Variants in CSF3R observed in about 807,000 individuals in gnomAD.
CSF3R encodes the protein colony stimulating factor 3 receptor.
CSF3R carries 52 observed loss-of-function variants against 84.4 expected under a neutral mutation model. The observed-to-expected ratio is 0.62, with a 90% CI of 0.49 to 0.78. The LOEUF (loss-of-function observed/expected upper bound fraction) is 0.78. Ranked by LOEUF, CSF3R falls within the 30% of genes least tolerant of loss-of-function variation. The pLI, the probability that CSF3R is intolerant of heterozygous loss-of-function variation, is 0.00. For synonymous variants in CSF3R, 384 were observed against 429.1 expected, an observed-to-expected ratio of 0.89 and a Z score of 1.30; for missense variants, 890 against 1,055.7, an observed-to-expected ratio of 0.84 and a Z score of 2.17.
At chr1:36,473,397 C>T (rs909257951) in intron 6 of CSF3R, 38 bp downstream of exon 6, 44 of 1,608,636 alleles carry the variant, frequency 2.7e-5, no homozygotes, top group Non-Finnish European at 3.5e-5. Context: ...CAGTGTCTGC[C>T]CATTTTGGGG....
intron 1 of CSF3R, 85 bp downstream of exon 1, chr1:36,482,726 T>C (rs947110360): frequency 2.6e-5 from 4 of 152,244 alleles, no homozygotes; most frequent in Non-Finnish European, 5.9e-5. Flanking sequence ...CATGAACACT[T>C]GGCAGAGCTG....
Position 36,472,140 on chromosome 1 carries a change from C to T in CSF3R, c.998-1G>A, listed in dbSNP as rs1248511242. On this transcript the variant is annotated splice_acceptor_variant, in intron 8 of 16. Coordinates refer to ENST00000373106, the MANE Select transcript of CSF3R (RefSeq NM_000760.4). LOFTEE classifies it high-confidence loss of function. The surrounding 1 kb of genome is among the most constrained non-coding windows in gnomAD (Gnocchi z 5.0). ...CATGTGTCCAGTCTGACAGTGGGGG[C>T]TGTGGATGGAACAAGAAGAGGGGGT... 9 of 1,613,894 alleles carry T rather than the reference C, an allele frequency of 5.6e-6. No homozygotes were observed. The highest frequency in any genetic ancestry group is 7.6e-6 in the Non-Finnish European group (9 of 1,180,020).
At chr1:36,475,129 C>T (rs3917957) in intron 4 of CSF3R, among the ~76,000 whole-genome samples, 4,498 of 151,756 alleles carry the variant, frequency 0.03, 188 homozygotes, top group African/African-American at 0.099. Context: ...CTCAGCCCCC[C>T]GAGTAGCTGG....
Position 36,466,960 on chromosome 1 carries a change from G to A in CSF3R, c.2041-133C>T, listed in dbSNP as rs746066971. The A allele has an allele frequency of 3.7e-6, 6 of 1,601,404 alleles. No individual in the cohort carries two copies. In the South Asian group the frequency reaches 6.6e-5, roughly 18 times the overall value. The stretch of plus-strand genomic sequence containing the variant: ...TGGTGGAACACAAAGGGTACCACTT[G>A]CAAAGCACTAGTATGTTCCTCACAC... On this transcript the variant is annotated intron_variant, in intron 16 of 16. Coordinates refer to ENST00000373106, the MANE Select transcript of CSF3R (RefSeq NM_000760.4). This position sits in a 1 kb window ranked among gnomAD's most constrained non-coding sequence, Gnocchi z 4.6.
chr1:36,473,157 A>G, intron 6 of CSF3R: 1 of 526,776 alleles, frequency 1.9e-6, no homozygotes, highest in Non-Finnish European at 3.4e-6. Flanking sequence ...TATCCCCAGT[A>G]CCTAGAGCAG....
In CSF3R at chr1:36,466,275, C is replaced by CA; in HGVS notation, c.*81dup. 6.2e-7 allele frequency: 1 copy of CA among 1,611,972 alleles called. No homozygotes were observed. Among genetic ancestry groups the CA allele is most frequent in the South Asian group, 1.1e-5 (1 of 90,874 alleles). On this transcript the variant is annotated 3_prime_UTR_variant, in exon 17 of 17. Coordinates refer to ENST00000373106, the MANE Select transcript of CSF3R (RefSeq NM_000760.4). This position sits in a 1 kb window ranked among gnomAD's most constrained non-coding sequence, Gnocchi z 4.6. ...AGCCTGGGCTGGGGTAGTTTTTAGT[C>CA]ATGGGCTTATGGACCCTCCCCTCTT...
intron 3 of CSF3R, among the ~76,000 whole-genome samples, chr1:36,478,400 G>A (rs1327749224): frequency 2.0e-5 from 3 of 151,882 alleles, no homozygotes; most frequent in Admixed American, 1.3e-4. Flanking sequence ...CTGGTGGCAG[G>A]TGCCTGTAAT....
chr1:36,480,998 C>T (rs751763017), intron 2 of CSF3R, among the ~76,000 whole-genome samples: 2 of 152,176 alleles, frequency 1.3e-5, no homozygotes, highest in Non-Finnish European at 1.5e-5. Flanking sequence ...ACAAGTATCC[C>T]GAGCATCTGT....
Position 36,468,958 on chromosome 1 carries a change from C to A in CSF3R, c.1576+198G>T. The A allele has an allele frequency of 5.1e-6, 3 of 591,332 alleles. No individual in the cohort carries two copies. In the South Asian group the frequency reaches 5.9e-5, roughly 12 times the overall value. The allele number at this position is 591,332 out of a possible 1,614,324, so 36.6% of individuals were successfully genotyped here. Reference sequence around the variant, plus strand: ...CTCCTTGAATTGTGCCAACTCCCTACTCAATTTCTATCCCAGCACCTGATT... The same window carrying A: ...CTCCTTGAATTGTGCCAACTCCCTAATCAATTTCTATCCCAGCACCTGATT... On this transcript the variant is annotated intron_variant, in intron 12 of 16. Coordinates refer to ENST00000373106, the MANE Select transcript of CSF3R (RefSeq NM_000760.4).
chr1:36,469,078 T>A (rs964068546), intron 12 of CSF3R, 78 bp downstream of exon 12: 18 of 1,061,910 alleles, frequency 1.7e-5, no homozygotes, highest in South Asian at 1.4e-4. Flanking sequence ...TTCCCTATAC[T>A]TCTGATTGCT....
chr1:36,469,548 G>T, intron 11 of CSF3R, 104 bp downstream of exon 11: 1 of 1,338,856 alleles, frequency 7.5e-7, no homozygotes, highest in Non-Finnish European at 1.1e-6. Flanking sequence ...AAAGGCTGGA[G>T]AATCCATGTC....
chr1:36,469,586 C>T lies in CSF3R; in HGVS notation c.1474+66G>A, dbSNP rs530239898. On this transcript the variant is annotated intron_variant, in intron 11 of 16. Coordinates refer to ENST00000373106, the MANE Select transcript of CSF3R (RefSeq NM_000760.4). Reference sequence around the variant, plus strand: ...TTGGGCAGTTCAGGTTGTCCCATGCCTATTGTCAGATAAGCACTGCCTCCC... The same window carrying T: ...TTGGGCAGTTCAGGTTGTCCCATGCTTATTGTCAGATAAGCACTGCCTCCC... 3 of 1,582,346 alleles carry T rather than the reference C, an allele frequency of 1.9e-6. No individual in the cohort carries two copies. The South Asian group carries it at 3.3e-5, about 17-fold the overall frequency.
Position 36,467,448 on chromosome 1 carries a change from A to G in CSF3R, c.1958+110T>C. The stretch of plus-strand genomic sequence containing the variant: ...AAGCTGGGGGCTGGGACTCTCAGAC[A>G]TGGGCCCCAAAGTTTGGGAAGGCTG... On this transcript the variant is annotated intron_variant, in intron 15 of 16. Coordinates refer to ENST00000373106, the MANE Select transcript of CSF3R (RefSeq NM_000760.4). This position sits in a 1 kb window ranked among gnomAD's most constrained non-coding sequence, Gnocchi z 4.1. 3.5e-6 allele frequency: 5 copies of G among 1,411,066 alleles called. No homozygotes were observed. Among genetic ancestry groups the G allele is most frequent in the South Asian group, 3.5e-5 (3 of 86,630 alleles). 87.4% of individuals were successfully genotyped at this position (1,411,066 alleles called of 1,614,324 possible).
At position 36,466,637 on chromosome 1, in the gene CSF3R, G is replaced by T. The variant is rs1296151274; in HGVS notation, c.2231C>A (p.Ser744Tyr). The T allele has an allele frequency of 6.2e-7, 1 of 1,614,038 alleles. No homozygotes were observed. Among genetic ancestry groups the T allele is most frequent in the East Asian group, 2.2e-5 (1 of 44,892 alleles). Residue 744 changes from serine (S) to tyrosine (Y), a missense_variant, in exon 17 of 17, where the codon TCT (serine) becomes TAT (tyrosine). Ser to Tyr is a moderately radical substitution (Grantham distance 144). Transcript: ENST00000373106. The surrounding 1 kb of genome is among the most constrained non-coding windows in gnomAD (Gnocchi z 4.6). ...ATAAAGGACCTGATCGCTGGTGCCA[G>T]ACTGGGATTGGGGCTGGGTGGAAAC... ...RAVSTQPQSQ[S>Y]GTSDQVLYGQ...
Position 36,472,655 on chromosome 1 carries a change from C to T in CSF3R, c.705G>A (p.Met235Ile), listed in dbSNP as rs1182988221. ...VKLEPPMLRT[M>I]DPSPEAAPPQ... is the part of the protein sequence containing the mutation. ...GAGGGGCCGCTTCAGGGCTGGGGTC[C>T]ATGGTCCGCAGCATGGGGGGCTCCA... is the stretch of plus-strand genomic sequence containing the variant. The change falls in exon 7 of 17, where the codon ATG (methionine) becomes ATA (isoleucine). Residue 235 changes from methionine (M) to isoleucine (I), a missense_variant. Transcript: ENST00000373106. This position sits in a 1 kb window ranked among gnomAD's most constrained non-coding sequence, Gnocchi z 5.0. The T allele has an allele frequency of 3.7e-6, 6 of 1,607,872 alleles. No individual in the cohort carries two copies. The South Asian group carries it at 4.4e-5, about 12-fold the overall frequency.
At chr1:36,468,380 C>T (rs1650486358) in intron 12 of CSF3R, 159 bp from the exon 13 acceptor site, 1 of 688,888 alleles carries the variant, frequency 1.5e-6, no homozygotes, top group Non-Finnish European at 2.3e-6. Flanking sequence ...AATCCAGATT[C>T]CATCTACTGC....
At position 36,480,281 on chromosome 1, in the gene CSF3R, G is replaced by A. The variant is rs143736230; in HGVS notation, c.-20-765C>T. 2.6e-4 allele frequency among the ~76,000 whole-genome samples: 39 copies of A among 152,348 alleles called. No individual in the cohort carries two copies. The East Asian group carries it at 7.3e-3, about 29-fold the overall frequency. On this transcript the variant is annotated intron_variant, in intron 2 of 16. Transcript: ENST00000373106. Reference sequence around the variant, plus strand: ...AGGGAGAACTCTATGGAGCAGCTGAGGCAAGGGGCTGTCAGGTTATGCCTG... The same window carrying A: ...AGGGAGAACTCTATGGAGCAGCTGAAGCAAGGGGCTGTCAGGTTATGCCTG...
intron 3 of CSF3R, chr1:36,475,914 T>A (rs1372490372): frequency 2.0e-6 from 1 of 507,316 alleles, no homozygotes; most frequent in Non-Finnish European, 3.5e-6. Flanking sequence ...AGACCCTGGT[T>A]TGTAGTGTGT....
At chr1:36,475,777 C>G in intron 3 of CSF3R, 104 bp from the exon 4 acceptor site, 1 of 1,175,054 alleles carries the variant, frequency 8.5e-7, no homozygotes, top group Non-Finnish European at 1.2e-6. Context: ...ACCTTCCTGT[C>G]TCACCCTTCA....
Sources: allele counts gnomAD v4.1 joint callset (sites outside exome capture counted in the v4.1 genomes callset), GRCh38; gene constraint gnomAD v4.1.1; non-coding constraint Gnocchi (gnomAD v3.1); transcripts MANE v1.5; gene names NCBI Gene and HGNC (gene_info 2026-07-23, HGNC 2026-07-21).